Variants in ZNF57 observed in about 807,000 individuals in gnomAD.
ZNF57 encodes zinc finger protein 57.
In ZNF57, 11 loss-of-function variants were observed where a neutral mutation model predicts 13.4. The observed-to-expected ratio is 0.82, with a 90% CI of 0.52 to 1.36. ZNF57 has a LOEUF of 1.36. Ranked by LOEUF, ZNF57 falls within the 40% of genes most tolerant of loss-of-function variation. The pLI, the probability that ZNF57 is intolerant of heterozygous loss-of-function variation, is 0.00. For synonymous variants in ZNF57, 224 were observed against 238.5 expected, an observed-to-expected ratio of 0.94 and a Z score of 0.56; for missense variants, 696 against 667.5, an observed-to-expected ratio of 1.04 and a Z score of -0.47.
At chr19:2,914,061 T>C in intron 1 of ZNF57, among the ~76,000 whole-genome samples, 1 of 152,180 alleles carries the variant, frequency 6.6e-6, no homozygotes, top group East Asian at 1.9e-4. Context: ...TGTTGTTGGG[T>C]TCAGTGTTCT....
At chr19:2,901,190 G>A (rs1427170006) in intron 1 of ZNF57, 142 bp downstream of exon 1, 6 of 1,177,638 alleles carry the variant, frequency 5.1e-6, no homozygotes, top group Non-Finnish European at 5.7e-6. Flanking sequence ...ACCCGGGGAC[G>A]CCATCACAGC....
chr19:2,915,503 C>G lies in ZNF57; in HGVS notation c.4-19C>G. ...TCAGTGTCTCCAATCCTCCTGCACA[C>G]CTGTGTGGTTTGTCTTAGGACTCAG... On this transcript the variant is annotated intron_variant, in intron 1 of 3. Transcript: ENST00000306908. 1 of 1,612,662 alleles carries G rather than the reference C, an allele frequency of 6.2e-7. No homozygotes were observed. Among genetic ancestry groups the G allele is most frequent in the Non-Finnish European group, 8.5e-7 (1 of 1,179,068 alleles).
At chr19:2,908,773 C>T (rs973442469) in intron 1 of ZNF57, among the ~76,000 whole-genome samples, 15 of 152,112 alleles carry the variant, frequency 9.9e-5, no homozygotes, top group Non-Finnish European at 2.1e-4. Flanking sequence ...CATCACCTCA[C>T]GAAGAAACCC....
intron 1 of ZNF57, among the ~76,000 whole-genome samples, chr19:2,901,410 C>T (rs1168872261): frequency 6.6e-6 from 1 of 152,092 alleles, no homozygotes; most frequent in East Asian, 1.9e-4. Flanking sequence ...TAAGAGGTCA[C>T]CTGAGCAGGC....
rs1195633875 is a variant in ZNF57 at position 2,910,255 on chromosome 19, T to A, written c.4-5267T>A. ...TCCAGTATTGTCTAAGAGCATATGA[T>A]GTACGATATTCTTTTAAACTTGTTA... On this transcript the variant is annotated intron_variant, in intron 1 of 3. Coordinates refer to ENST00000306908, the MANE Select transcript of ZNF57 (RefSeq NM_173480.3). Among the ~76,000 whole-genome samples the A allele has an allele frequency of 1.3e-4, 6 of 47,628 alleles. 3 individuals carry two copies. Among genetic ancestry groups the A allele is most frequent in the Admixed American group, 4.9e-4 (2 of 4,044 alleles). 31.2% of individuals were successfully genotyped at this position (47,628 alleles called of 152,430 possible).
chr19:2,917,204 C>G lies in ZNF57; in HGVS notation c.583C>G (p.Pro195Ala). ...SHGRTDTEEK[P>A]YKCQACGQTF... is the part of the protein sequence containing the mutation. ...CGGAAGAACTGACACTGAGGAGAAG[C>G]CGTATAAGTGTCAAGCATGTGGGCA... Residue 195 changes from proline to alanine, a missense_variant, in exon 4 of 4, where the codon CCG becomes GCG. Around this residue, in one of 3 missense-constraint regions of ZNF57, gnomAD observed 645 missense variants for 591.5 expected, o/e 1.09. Coordinates refer to ENST00000306908, the MANE Select transcript of ZNF57 (RefSeq NM_173480.3). The G allele has an allele frequency of 6.2e-7, 1 of 1,614,206 alleles. No individual in the cohort carries two copies. The highest frequency in any genetic ancestry group is 8.5e-7 in the Non-Finnish European group (1 of 1,180,038).
At chr19:2,907,941 T>C (rs1420615932) in intron 1 of ZNF57, among the ~76,000 whole-genome samples, 1 of 152,148 alleles carries the variant, frequency 6.6e-6, no homozygotes, top group African/African-American at 2.4e-5. Context: ...CTCAAATTCC[T>C]GGCCTCAAGC....
chr19:2,908,375 TTA>T (rs760347141), intron 1 of ZNF57, among the ~76,000 whole-genome samples: 13 of 151,518 alleles, frequency 8.6e-5, no homozygotes, highest in East Asian at 3.9e-4. Flanking sequence ...TTCACATTCT[TTA>T]TGTTTTTTAA....
At position 2,917,698 on chromosome 19, in the gene ZNF57, T is replaced by G; in HGVS notation, c.1077T>G (p.Thr359=). 6.2e-7 allele frequency: 1 copy of G among 1,613,868 alleles called. No individual in the cohort carries two copies. Among genetic ancestry groups the G allele is most frequent in the Non-Finnish European group, 8.5e-7 (1 of 1,179,938 alleles). ...TCCAAGGTCATTTGAGGACGCACAC[T>G]GGAGAGAAACCTTATGAGTGTAAAC... The part of the protein sequence containing the change: ...RSFQGHLRTH[T]GEKPYECKQC... The change falls in exon 4 of 4, where the codon ACT becomes ACG. Residue 359 remains threonine, a synonymous_variant. Transcript: ENST00000306908.
intron 1 of ZNF57, among the ~76,000 whole-genome samples, chr19:2,907,347 A>G (rs965830499): frequency 5.9e-5 from 9 of 152,074 alleles, no homozygotes; most frequent in Non-Finnish European, 1.0e-4. Flanking sequence ...CCCCACCTGG[A>G]AAGTTCTGCA....
intron 1 of ZNF57, among the ~76,000 whole-genome samples, chr19:2,914,965 GC>G (rs1343280857): frequency 1.3e-5 from 2 of 152,134 alleles, no homozygotes; most frequent in Non-Finnish European, 2.9e-5. Flanking sequence ...TCATACAGTT[GC>G]CTTTAAAATA....
At chr19:2,908,640 T>C (rs2144924182) in intron 1 of ZNF57, among the ~76,000 whole-genome samples, 1 of 152,066 alleles carries the variant, frequency 6.6e-6, no homozygotes, top group South Asian at 2.1e-4. Flanking sequence ...CCTGACCTCG[T>C]GATCCGCCCT....
At chr19:2,916,762 A>G in intron 3 of ZNF57, 162 bp from the exon 4 acceptor site, 2 of 562,302 alleles carry the variant, frequency 3.6e-6, no homozygotes, top group Non-Finnish European at 5.9e-6. Context: ...CCCATATATA[A>G]TAAATACTGC....
intron 1 of ZNF57, among the ~76,000 whole-genome samples, chr19:2,913,061 C>G (rs1217500020): frequency 6.6e-6 from 1 of 152,190 alleles, no homozygotes; most frequent in Non-Finnish European, 1.5e-5. Context: ...TCAAGCGATT[C>G]TCCCTCCTCA....
In ZNF57 at chr19:2,910,341, G is replaced by C. The variant is rs2088119422; in HGVS notation, c.4-5181G>C. ...GGAGTGTTCCACGTGAGCTTGACAAGAATGTGTTTTCTGCTGTTGTTGAAG... is the reference window on the plus strand; with the variant it reads ...GGAGTGTTCCACGTGAGCTTGACAACAATGTGTTTTCTGCTGTTGTTGAAG... On this transcript the variant is annotated intron_variant, in intron 1 of 3. Coordinates refer to ENST00000306908, the MANE Select transcript of ZNF57 (RefSeq NM_173480.3). Among the ~76,000 whole-genome samples the C allele has an allele frequency of 4.2e-5, 2 of 47,612 alleles. 1 individual carries two copies. Among genetic ancestry groups the C allele is most frequent in the South Asian group, 1.3e-3 (2 of 1,484 alleles). The allele number at this position is 47,612 out of a possible 152,430, so 31.2% of individuals were successfully genotyped here.
chr19:2,905,549 G>A (rs1447368698), intron 1 of ZNF57, among the ~76,000 whole-genome samples: 1 of 151,366 alleles, frequency 6.6e-6, no homozygotes, highest in South Asian at 2.1e-4. Context: ...CGGATCACGA[G>A]GTCAGGAGAT....
Position 2,916,780 on chromosome 19 carries a change from AAT to A in ZNF57, c.303-141_303-140del, listed in dbSNP as rs143962634. 4.6e-4 allele frequency: 293 copies of A among 638,366 alleles called. 2 individuals carry two copies. In the East Asian group the frequency reaches 7.5e-3, roughly 16 times the overall value. The allele number at this position is 638,366 out of a possible 1,614,324, so 39.5% of individuals were successfully genotyped here. Reference sequence around the variant, plus strand: ...ATATATAATAAATACTGCATTAAAAAATATGTCTCTTCAAACAATTCAGAATA... The same window carrying A: ...ATATATAATAAATACTGCATTAAAAAATGTCTCTTCAAACAATTCAGAATA... On this transcript the variant is annotated intron_variant, in intron 3 of 3. Transcript: ENST00000306908.
intron 1 of ZNF57, among the ~76,000 whole-genome samples, chr19:2,902,306 C>T (rs2088037246): frequency 3.3e-5 from 5 of 152,102 alleles, no homozygotes. Context: ...CAGCCGGTGT[C>T]AGTAAATGTA....
intron 1 of ZNF57, among the ~76,000 whole-genome samples, chr19:2,905,609 C>CA (rs1326898194): frequency 2.0e-5 from 3 of 151,216 alleles, no homozygotes; most frequent in African/African-American, 7.3e-5. Context: ...CTAAAAAATA[C>CA]AAAAAATTAG....
Sources: allele counts gnomAD v4.1 joint callset (sites outside exome capture counted in the v4.1 genomes callset), GRCh38; gene constraint gnomAD v4.1.1; regional missense constraint gnomAD v4.1.1; transcripts MANE v1.5; gene names NCBI Gene and HGNC (gene_info 2026-07-23, HGNC 2026-07-21).